MRTFA: variants seen among roughly 807,000 people sequenced by gnomAD.
MRTFA encodes the protein myocardin related transcription factor A, also known as myocardin-related transcription factor A.
MRTFA carries 20 observed loss-of-function variants against 83.5 expected under a neutral mutation model. The observed-to-expected ratio is 0.24, with a 90% CI of 0.17 to 0.35. MRTFA has a LOEUF of 0.35. Among genes scored for constraint, MRTFA ranks in the 10% least tolerant of loss-of-function variants. The probability of loss-of-function intolerance (pLI) is 1.00; values close to 1 mark genes in which losing one functional copy is unlikely to be tolerated. For missense variants in MRTFA, 1,200 were observed against 1,224.7 expected (o/e 0.98, Z 0.30); for synonymous variants, 659 against 541.2 (o/e 1.22, Z -3.02).
intron 4 of MRTFA, among the ~76,000 whole-genome samples, chr22:40,438,833 G>T (rs56085591): frequency 0.02 from 3,032 of 152,118 alleles, 91 homozygotes; most frequent in African/African-American, 0.068. Context: ...TATCCACTAG[G>T]GGGTCTTGGC....
intron 1 of MRTFA, among the ~76,000 whole-genome samples, chr22:40,621,081 T>A (rs2056517320): frequency 6.6e-6 from 1 of 151,544 alleles, no homozygotes; most frequent in African/African-American, 2.4e-5. Flanking sequence ...CTCAGGAGGC[T>A]GAGGCAGGAG....
rs1234428620 is a variant in MRTFA, at chr22:40,555,928, CA to C, written c.-21-3562del. Among the ~76,000 whole-genome samples the C allele has an allele frequency of 2.0e-5, 3 of 152,072 alleles. No homozygotes were observed. The East Asian group carries it at 5.8e-4, about 29-fold the overall frequency. On this transcript the variant is annotated intron_variant, in intron 2 of 14. Transcript: ENST00000355630. ...TGCTGGGATTACAGGCGTGAGCCAC[CA>C]TGCCCAGCCCTAAGAATAATTTTTA... is the stretch of plus-strand genomic sequence containing the variant.
chr22:40,417,215 A>G, intron 13 of MRTFA, 126 bp downstream of exon 13: 2 of 1,419,418 alleles, frequency 1.4e-6, no homozygotes, highest in Non-Finnish European at 1.9e-6. Flanking sequence ...CCACTCCCCA[A>G]GGCCTCTCTG....
intron 2 of MRTFA, among the ~76,000 whole-genome samples, chr22:40,594,385 G>C (rs2056162012): frequency 6.6e-6 from 1 of 152,192 alleles, no homozygotes; most frequent in South Asian, 2.1e-4. Flanking sequence ...GTAGGGGTAT[G>C]TGTGGGTGGG....
chr22:40,480,633 A>G (rs1433447324), intron 3 of MRTFA, among the ~76,000 whole-genome samples: 1 of 152,056 alleles, frequency 6.6e-6, no homozygotes, highest in African/African-American at 2.4e-5. Context: ...TTTTAACAGG[A>G]TAACGGTGGT....
intron 3 of MRTFA, among the ~76,000 whole-genome samples, chr22:40,485,703 T>C (rs2054163905): frequency 6.6e-6 from 1 of 152,062 alleles, no homozygotes; most frequent in Admixed American, 6.6e-5. Flanking sequence ...AATGAAGACA[T>C]GGTGGGGAAG....
Position 40,571,026 on chromosome 22 carries a change from C to CAAAAAA in MRTFA, c.-21-18665_-21-18660dup, listed in dbSNP as rs71199292. 1.7e-3 allele frequency among the ~76,000 whole-genome samples: 78 copies of CAAAAAA among 46,698 alleles called. 6 individuals are homozygous for CAAAAAA. Among genetic ancestry groups the CAAAAAA allele is most frequent in the East Asian group, 2.0e-3 (4 of 2,038 alleles). The allele number at this position is 46,698 out of a possible 152,430, so 30.6% of individuals were successfully genotyped here. A position where few individuals can be genotyped will look rare whatever the true frequency, so the allele number is the denominator to read the frequency against. On this transcript the variant is annotated intron_variant, in intron 2 of 14. Transcript: ENST00000355630. ...GCAACATAGTGAATCCCTGTCTCTA[C>CAAAAAA]AAAAAAAAAAAAAAAAAAAAAAAAA...
chr22:40,465,550 T>C (rs906512140), intron 3 of MRTFA, among the ~76,000 whole-genome samples: 7 of 152,142 alleles, frequency 4.6e-5, no homozygotes, highest in African/African-American at 1.4e-4. Flanking sequence ...AACAGCCATA[T>C]GAAGATACAT....
intron 4 of MRTFA, among the ~76,000 whole-genome samples, chr22:40,453,889 CACTTGTTTGTTTGCTTTCAAGAGAA>C (rs2053540129): frequency 6.6e-6 from 1 of 152,114 alleles, no homozygotes; most frequent in Non-Finnish European, 1.5e-5. Flanking sequence ...CTAACACAGC[CACTTGTTTGTTTGCTTTCAAGAGAA>C]AGAGGTTAAA....
intron 2 of MRTFA, among the ~76,000 whole-genome samples, chr22:40,553,284 A>G (rs922819134): frequency 5.9e-5 from 9 of 152,214 alleles, no homozygotes; most frequent in Non-Finnish European, 1.3e-4. Flanking sequence ...ATAAGTAACA[A>G]AGAGCCTAAC....
At chr22:40,549,079 T>C (rs2055409057) in intron 3 of MRTFA, among the ~76,000 whole-genome samples, 1 of 152,132 alleles carries the variant, frequency 6.6e-6, no homozygotes. Context: ...TTTGTTTTTT[T>C]TAAGAGACAG....
intron 3 of MRTFA, chr22:40,526,443 T>C (rs2054974392): frequency 6.6e-6 from 1 of 152,182 alleles, no homozygotes; most frequent in African/African-American, 2.4e-5. Context: ...AGCCCTGATA[T>C]GCGAGCTAAG....
At chr22:40,435,030 G>A (rs1256934388) in intron 5 of MRTFA, among the ~76,000 whole-genome samples, 1 of 151,414 alleles carries the variant, frequency 6.6e-6, no homozygotes, top group Non-Finnish European at 1.5e-5. Context: ...ACCTACTCTG[G>A]GCAGATGGAG....
chr22:40,446,516 T>C (rs897423285), intron 4 of MRTFA, among the ~76,000 whole-genome samples: 1 of 152,040 alleles, frequency 6.6e-6, no homozygotes, highest in Admixed American at 6.6e-5. Context: ...AGCACAGGAA[T>C]CTGAGGAGGG....
At chr22:40,476,640 G>A (rs1281034585) in intron 3 of MRTFA, among the ~76,000 whole-genome samples, 1 of 151,892 alleles carries the variant, frequency 6.6e-6, no homozygotes, top group Non-Finnish European at 1.5e-5. Context: ...TTTTTGTACA[G>A]ACAGGGTTTC....
rs183406660 is a variant in MRTFA, at chr22:40,578,728, T to C, written c.-22+15946A>G. Among the ~76,000 whole-genome samples, 77 of 152,054 alleles carry C rather than the reference T, an allele frequency of 5.1e-4. 1 individual carries two copies. Among genetic ancestry groups the C allele is most frequent in the African/African-American group, 1.8e-3 (75 of 41,454 alleles). The stretch of plus-strand genomic sequence containing the variant: ...CTTGGGCCTAGGAGTTCGAGAAACA[T>C]GGGCAACATGGTGAAACACCAGCTC... On this transcript the variant is annotated intron_variant, in intron 2 of 14. Coordinates refer to ENST00000355630, the MANE Select transcript of MRTFA (RefSeq NM_020831.6).
intron 4 of MRTFA, among the ~76,000 whole-genome samples, chr22:40,460,522 C>G (rs960477020): frequency 6.6e-6 from 1 of 152,192 alleles, no homozygotes; most frequent in African/African-American, 2.4e-5. Context: ...TTTGGCTGTT[C>G]AATGCCTTGA....
Position 40,411,762 on chromosome 22 carries a change from G to A in MRTFA, c.2724C>T (p.Pro908=), listed in dbSNP as rs753509382. 11 of 1,541,462 alleles carry A rather than the reference G, an allele frequency of 7.1e-6. No homozygotes were observed. The highest frequency in any genetic ancestry group is 8.8e-6 in the Non-Finnish European group (10 of 1,138,222). ...AGTCCTCCAGGCGTCCAGGGAGGGAGGGTGAGCCTGGAGGAGGTGGGGCAG... is the reference window on the plus strand; with the variant it reads ...AGTCCTCCAGGCGTCCAGGGAGGGAAGGTGAGCCTGGAGGAGGTGGGGCAG... The change falls in exon 15 of 15, where the codon CCC becomes CCT. Residue 908 remains proline, a synonymous_variant. Transcript: ENST00000355630.
intron 2 of MRTFA, among the ~76,000 whole-genome samples, chr22:40,570,877 T>C (rs990129408): frequency 2.0e-5 from 3 of 151,538 alleles, no homozygotes; most frequent in Admixed American, 6.6e-5. Context: ...TGGTCATAAA[T>C]AATGGAACAT....
Sources: gnomAD v4.1 joint callset for allele counts (sites outside exome capture counted in the v4.1 genomes callset) on GRCh38, gnomAD v4.1.1 for gene constraint, MANE v1.5 for transcripts, NCBI Gene and HGNC (gene_info 2026-07-23, HGNC 2026-07-21) for gene names.